NOX5: variants seen among roughly 807,000 people sequenced by gnomAD.
NOX5 encodes NADPH oxidase 5.
In NOX5, 76 loss-of-function variants were observed where a neutral mutation model predicts 85.7. The ratio of observed to expected loss-of-function variants is 0.89; its 90% CI spans 0.74 to 1.07. NOX5 has a LOEUF of 1.07. Among genes scored for constraint, NOX5 ranks in the 50% least tolerant of loss-of-function variants. NOX5 has a pLI of 0.00. For synonymous variants in NOX5, 405 were observed against 401.4 expected (o/e 1.01, Z -0.11); for missense variants, 973 against 999.5 (o/e 0.97, Z 0.36).
intron 3 of NOX5, 146 bp from the exon 4 acceptor site, chr15:69,031,372 G>A: frequency 1.1e-6 from 1 of 895,964 alleles, no homozygotes. Flanking sequence ...GTCCATTGCT[G>A]TTGAGCTAGG....
chr15:69,050,139 C>T (rs116570357), intron 14 of NOX5, among the ~76,000 whole-genome samples: 1,638 of 152,276 alleles, frequency 0.011, 37 homozygotes, highest in African/African-American at 0.038. Flanking sequence ...AAGATTTATC[C>T]GTGTTGTTGC....
chr15:69,031,720 G>A lies in NOX5; in HGVS notation c.528G>A (p.Ser176=). The change falls in exon 4 of 16, where the codon TCG becomes TCA. Residue 176 remains serine, a synonymous_variant. Coordinates refer to ENST00000388866, the MANE Select transcript of NOX5 (RefSeq NM_024505.4). ...LDQLTLALFE[S]ADADGNGAIT... ...AGCTGACGCTGGCGCTCTTCGAATC[G>A]GCCGACGCGGACGGCAACGGGGCCA... The A allele has an allele frequency of 6.2e-7, 1 of 1,613,016 alleles. No individual in the cohort carries two copies. Among genetic ancestry groups the A allele is most frequent in the Non-Finnish European group, 8.5e-7 (1 of 1,179,746 alleles).
intron 4 of NOX5, 129 bp from the exon 5 acceptor site, chr15:69,032,914 C>A (rs2050456948): frequency 7.7e-7 from 1 of 1,293,332 alleles, no homozygotes; most frequent in Non-Finnish European, 1.0e-6. Context: ...CTCTCTGTTT[C>A]CTGGTGTGAA....
At chr15:69,040,972 C>G (rs953109116) in intron 9 of NOX5, among the ~76,000 whole-genome samples, 10 of 152,202 alleles carry the variant, frequency 6.6e-5, no homozygotes, top group Admixed American at 6.5e-4. Flanking sequence ...GCATAAGCCA[C>G]TGTGCCCCAC....
chr15:69,039,799 C>T lies in NOX5; in HGVS notation c.1504+810C>T, dbSNP rs150896271. ...GCTCAGCTGTCCTCTGACTCTCACCCGTGCACGTGCCTTCCTTCTGGTCCC... is the reference window on the plus strand; with the variant it reads ...GCTCAGCTGTCCTCTGACTCTCACCTGTGCACGTGCCTTCCTTCTGGTCCC... On this transcript the variant is annotated intron_variant, in intron 9 of 15. Transcript: ENST00000388866. 3.8e-3 allele frequency among the ~76,000 whole-genome samples: 579 copies of T among 152,320 alleles called. 3 individuals carry two copies. Among genetic ancestry groups the T allele is most frequent in the African/African-American group, 0.013 (555 of 41,564 alleles).
intron 12 of NOX5, 32 bp downstream of exon 12, chr15:69,047,569 T>G (rs376337217): frequency 6.2e-7 from 1 of 1,602,394 alleles, no homozygotes; most frequent in African/African-American, 1.3e-5. Flanking sequence ...GCCTGCATCC[T>G]GGGTCAGAGC....
chr15:69,044,210 G>A (rs1189426336), intron 10 of NOX5, among the ~76,000 whole-genome samples: 1 of 151,884 alleles, frequency 6.6e-6, no homozygotes, highest in Non-Finnish European at 1.5e-5. Flanking sequence ...AATTGGACAG[G>A]TGCACACAAA....
chr15:69,022,978 T>C, intron 1 of NOX5: 1 of 512,432 alleles, frequency 2.0e-6, no homozygotes, highest in Non-Finnish European at 4.0e-6. Flanking sequence ...TTCAAGTTGT[T>C]TGATAGCCTC....
rs774813093 is a variant in NOX5 at position 69,031,615 on chromosome 15, T to C, written c.423T>C (p.Ile141=). 6.2e-7 allele frequency: 1 copy of C among 1,613,344 alleles called. No homozygotes were observed. The highest frequency in any genetic ancestry group is 8.5e-7 in the Non-Finnish European group (1 of 1,180,026). Residue 141 remains isoleucine (I), a synonymous_variant, in exon 4 of 16, where the codon ATT becomes ATC. Coordinates refer to ENST00000388866, the MANE Select transcript of NOX5 (RefSeq NM_024505.4). ...SSPLGTGSGS[I]DPDELRTVLQ... ...CACTCGGGACAGGCAGTGGCTCCATTGACCCGGATGAGCTGCGCACTGTGC... is the reference window on the plus strand; with the variant it reads ...CACTCGGGACAGGCAGTGGCTCCATCGACCCGGATGAGCTGCGCACTGTGC...
At chr15:69,021,484 A>AT (rs1241085880) in intron 1 of NOX5, among the ~76,000 whole-genome samples, 1 of 151,902 alleles carries the variant, frequency 6.6e-6, no homozygotes, top group Non-Finnish European at 1.5e-5. Flanking sequence ...CGCCCAGCTA[A>AT]TTTTTGTATT....
Position 69,038,982 on chromosome 15 carries a change from G to A in NOX5, c.1497G>A (p.Glu499=). ...CCTTCACCATCAGCAGTGCTCCTGA[G>A]CAGAAAGGTAATGGCCACCTCCTCC... ...WHPFTISSAP[E]QKDTIWLHIR... Residue 499 remains glutamate (E), a synonymous_variant, in exon 9 of 16, where the codon GAG becomes GAA. Transcript: ENST00000388866. 1 of 1,614,100 alleles carries A rather than the reference G, an allele frequency of 6.2e-7. No homozygotes were observed. Among genetic ancestry groups the A allele is most frequent in the South Asian group, 1.1e-5 (1 of 91,082 alleles).
At chr15:69,022,587 G>A (rs769119034) in intron 1 of NOX5, 8 of 163,486 alleles carry the variant, frequency 4.9e-5, no homozygotes, top group East Asian at 3.6e-4. Flanking sequence ...CAGGTTACAT[G>A]GTACAGGATG....
At chr15:69,033,800 T>A (rs2050476474) in intron 5 of NOX5, among the ~76,000 whole-genome samples, 1 of 150,352 alleles carries the variant, frequency 6.7e-6, no homozygotes, top group Non-Finnish European at 1.5e-5. Context: ...GTTCAAGCGA[T>A]CCTCCTGCCT....
chr15:69,035,862 G>A lies in NOX5; in HGVS notation c.1114G>A (p.Val372Ile), dbSNP rs1184815748. The A allele has an allele frequency of 1.2e-6, 2 of 1,614,020 alleles. No individual in the cohort carries two copies. Among genetic ancestry groups the A allele is most frequent in the African/African-American group, 1.3e-5 (1 of 74,926 alleles). Residue 372 changes from valine to isoleucine, a missense_variant, in exon 7 of 16, where the codon GTC becomes ATC. Coordinates refer to ENST00000388866, the MANE Select transcript of NOX5 (RefSeq NM_024505.4). Reference sequence around the variant, plus strand: ...ACACGGTTCGGCCTCCCCGACAGGTGTCGCTCTGCTGCTGCTGCTCCTCCT... The same window carrying A: ...ACACGGTTCGGCCTCCCCGACAGGTATCGCTCTGCTGCTGCTGCTCCTCCT... ...WVHGSASPTG[V>I]ALLLLLLLMF...
chr15:69,054,607 G>A (rs894401603), intron 14 of NOX5, among the ~76,000 whole-genome samples: 7 of 152,116 alleles, frequency 4.6e-5, no homozygotes, highest in East Asian at 1.9e-4. Flanking sequence ...CTCTCACTCT[G>A]TACTCACACT....
Position 69,059,683 on chromosome 15 carries a change from G to T in NOX5, c.*2987G>T, listed in dbSNP as rs959498388. 6.6e-6 allele frequency: 1 copy of T among 152,192 alleles called. No individual in the cohort carries two copies. The highest frequency in any genetic ancestry group is 2.1e-4 in the South Asian group (1 of 4,830). The allele number at this position is 152,192 out of a possible 1,614,324, so 9.4% of individuals were successfully genotyped here. A position where few individuals can be genotyped will look rare whatever the true frequency, so the allele number is the denominator to read the frequency against. On this transcript the variant is annotated 3_prime_UTR_variant, in exon 16 of 16. Coordinates refer to ENST00000388866, the MANE Select transcript of NOX5 (RefSeq NM_024505.4). ...GACCACACATGTGAGTGTACAGCAC[G>T]CATGGTCTGACCATCTGGATGTTTC...
intron 5 of NOX5, among the ~76,000 whole-genome samples, chr15:69,033,609 G>A (rs1388142971): frequency 1.3e-5 from 2 of 151,986 alleles, no homozygotes; most frequent in African/African-American, 4.8e-5. Flanking sequence ...CCTAGAAGAG[G>A]CTTTGAATAC....
At chr15:69,015,293 C>T (rs895005550) in intron 1 of NOX5, among the ~76,000 whole-genome samples, 5 of 152,200 alleles carry the variant, frequency 3.3e-5, no homozygotes, top group African/African-American at 7.2e-5. Flanking sequence ...CCACCTAGAT[C>T]ACTCTGGCTG....
chr15:69,022,271 A>C, intron 1 of NOX5: 1 of 201,320 alleles, frequency 5.0e-6, no homozygotes, highest in South Asian at 1.2e-4. Flanking sequence ...CAATGTCACA[A>C]GGAAACACCA....
Sources: gnomAD v4.1 joint callset for allele counts (sites outside exome capture counted in the v4.1 genomes callset) on GRCh38, gnomAD v4.1.1 for gene constraint, MANE v1.5 for transcripts, NCBI Gene and HGNC (gene_info 2026-07-23, HGNC 2026-07-21) for gene names.